Variants in UBR4 observed in about 807,000 individuals in gnomAD.
The protein encoded by UBR4 is E3 ubiquitin-protein ligase UBR4.
Under a neutral mutation model 575.6 loss-of-function variants are expected in UBR4, and 124 were observed. The observed-to-expected ratio is 0.22, with a 90% CI of 0.19 to 0.25. UBR4 has a LOEUF of 0.25. Among genes scored for constraint, UBR4 ranks in the 10% least tolerant of loss-of-function variants. UBR4 has a pLI of 1.00. For missense variants in UBR4, 4,818 were observed against 6,478.8 expected (o/e 0.74, Z 8.80); for synonymous variants, 2,455 against 2,473.7 (o/e 0.99, Z 0.22).
At chr1:19,090,186 CG>C (rs1214178139) in intron 97 of UBR4, among the ~76,000 whole-genome samples, 4 of 152,176 alleles carry the variant, frequency 2.6e-5, no homozygotes, top group Non-Finnish European at 4.4e-5. Flanking sequence ...TTCTCACGTT[CG>C]GTCACTCTCC....
chr1:19,192,712 G>A (rs1195222093), intron 9 of UBR4, among the ~76,000 whole-genome samples, 172 bp from the exon 10 acceptor site: 1 of 151,950 alleles, frequency 6.6e-6, no homozygotes, highest in East Asian at 1.9e-4. Context: ...CTTTTCATTT[G>A]GATCAAATGT....
In UBR4 at chr1:19,117,356, A is replaced by G. The variant is rs2080660877; in HGVS notation, c.10688T>C (p.Val3563Ala). 6.2e-7 allele frequency: 1 copy of G among 1,614,042 alleles called. No homozygotes were observed. Among genetic ancestry groups the G allele is most frequent in the African/African-American group, 1.3e-5 (1 of 74,918 alleles). Residue 3563 changes from valine to alanine, a missense_variant, in exon 73 of 106, where the codon GTG becomes GCG. Transcript: ENST00000375254. This position sits in a 1 kb window ranked among gnomAD's most constrained non-coding sequence, Gnocchi z 4.0. ...DTRYTTTQQVVKLIGSHTISK... is the reference protein window; with the variant it reads ...DTRYTTTQQVAKLIGSHTISK... ...GATGGTGTGACTGCCAATGAGCTTC[A>G]CAACCTGCTGGGTGGTGGTGTACCG...
Position 19,149,738 on chromosome 1 carries a change from G to A in UBR4, c.7430+839C>T, listed in dbSNP as rs1333950366. On this transcript the variant is annotated intron_variant, in intron 49 of 105. Coordinates refer to ENST00000375254, the MANE Select transcript of UBR4 (RefSeq NM_020765.3). Reference sequence around the variant, plus strand: ...TCTCTGACACACACTCACTCGTGCAGAGAAAAGAAAGAGGGCATACTAACC... The same window carrying A: ...TCTCTGACACACACTCACTCGTGCAAAGAAAAGAAAGAGGGCATACTAACC... The A allele has an allele frequency of 1.2e-5, 15 of 1,300,682 alleles. No homozygotes were observed. The East Asian group carries it at 7.2e-4, about 63-fold the overall frequency. 80.6% of individuals were successfully genotyped at this position (1,300,682 alleles called of 1,614,324 possible).
intron 91 of UBR4, 134 bp downstream of exon 91, chr1:19,097,059 T>C (rs959738402): frequency 4.6e-6 from 3 of 651,196 alleles, no homozygotes; most frequent in Non-Finnish European, 7.2e-6. Flanking sequence ...TTTTCCTCAA[T>C]TGAAGAAACA....
In UBR4 at chr1:19,173,290, T is replaced by A; in HGVS notation, c.3182A>T (p.Gln1061Leu). ...VNWIKDHLIKQGMKAEHASSL... is the reference protein window; with the variant it reads ...VNWIKDHLIKLGMKAEHASSL... ...GCTAGCATGCTCAGCCTTCATTCCC[T>A]GTTTGATAAGGTGATCCTATTTGGA... Residue 1061 changes from glutamine (Q) to leucine (L), a missense_variant, in exon 24 of 106, where the codon CAG (glutamine) becomes CTG (leucine). Gln to Leu is a moderately radical substitution (Grantham distance 113, BLOSUM62 -2). This residue lies in a region of UBR4 where 1,172 missense variants were observed against 1,259.7 expected (regional missense o/e 0.93). Coordinates refer to ENST00000375254, the MANE Select transcript of UBR4 (RefSeq NM_020765.3). 1 of 1,614,238 alleles carries A rather than the reference T, an allele frequency of 6.2e-7. No homozygotes were observed. The highest frequency in any genetic ancestry group is 8.5e-7 in the Non-Finnish European group (1 of 1,180,042).
rs1429822000 is a variant in UBR4 at position 19,165,240 on chromosome 1, G to A, written c.4312+9C>T. ...TCCCATAAGAAGATTACTAAAAGCT[G>A]TCACTCACTCAGCTGGAAGAGTTTG... On this transcript the variant is annotated intron_variant, in intron 31 of 105. Coordinates refer to ENST00000375254, the MANE Select transcript of UBR4 (RefSeq NM_020765.3). The A allele has an allele frequency of 2.5e-6, 4 of 1,610,692 alleles. No individual in the cohort carries two copies. Among genetic ancestry groups the A allele is most frequent in the Non-Finnish European group, 3.4e-6 (4 of 1,176,932 alleles).
At chr1:19,209,009 C>T (rs749462807) in intron 1 of UBR4, among the ~76,000 whole-genome samples, 7 of 152,230 alleles carry the variant, frequency 4.6e-5, no homozygotes, top group Non-Finnish European at 1.0e-4. Flanking sequence ...AGTTACCAAA[C>T]TCAACCATTA....
intron 78 of UBR4, chr1:19,112,262 C>T (rs2079980398): frequency 2.4e-6 from 1 of 417,966 alleles, no homozygotes; most frequent in East Asian, 4.0e-5. Context: ...CTCACAAGGC[C>T]TCAGGGAGAG....
In UBR4 at chr1:19,142,780, T is replaced by C. The variant is rs567825981; in HGVS notation, c.8180-1003A>G. On this transcript the variant is annotated intron_variant, in intron 55 of 105. Coordinates refer to ENST00000375254, the MANE Select transcript of UBR4 (RefSeq NM_020765.3). ...ATATTTGATATACTGGATTAAATAA[T>C]TAGTAAATCAATTTTACTTTTTACT... Among the ~76,000 whole-genome samples, 3 of 152,356 alleles carry C rather than the reference T, an allele frequency of 2.0e-5. No individual in the cohort carries two copies. In the East Asian group the frequency reaches 5.8e-4, roughly 29 times the overall value.
chr1:19,088,933 C>T lies in UBR4; in HGVS notation c.14256G>A (p.Glu4752=), dbSNP rs1463751465. 4 of 1,614,224 alleles carry T rather than the reference C, an allele frequency of 2.5e-6. No homozygotes were observed. Among genetic ancestry groups the T allele is most frequent in the South Asian group, 2.2e-5 (2 of 91,078 alleles). The stretch of plus-strand genomic sequence containing the variant: ...CAATGCCCTCATCACTGGACACCTG[C>T]TCCAGCTTATGCAGGTTCGGGATGG... ...TDSIPNLHKL[E]QVSSDEGIGT... The change falls in exon 98 of 106, where the codon GAG becomes GAA. Residue 4752 remains glutamate, a synonymous_variant. Coordinates refer to ENST00000375254, the MANE Select transcript of UBR4 (RefSeq NM_020765.3). The surrounding 1 kb of genome is among the most constrained non-coding windows in gnomAD (Gnocchi z 4.0).
Position 19,118,116 on chromosome 1 carries a change from G to A in UBR4, c.10542-206C>T, listed in dbSNP as rs914452666. 5.5e-6 allele frequency: 3 copies of A among 545,026 alleles called. No homozygotes were observed. In the African/African-American group the frequency reaches 5.7e-5, roughly 10 times the overall value. The allele number at this position is 545,026 out of a possible 1,614,324, so 33.8% of individuals were successfully genotyped here. The stretch of plus-strand genomic sequence containing the variant: ...AAGAAATTTCAACTAACTGACCTTA[G>A]ATGTTTCCTAATCTTTGATCTATCC... On this transcript the variant is annotated intron_variant, in intron 71 of 105. Transcript: ENST00000375254.
In UBR4 at chr1:19,157,137, A is replaced by G. The variant is rs2150406844; in HGVS notation, c.5761-212T>C. On this transcript the variant is annotated intron_variant, in intron 40 of 105. Transcript: ENST00000375254. This position sits in a 1 kb window ranked among gnomAD's most constrained non-coding sequence, Gnocchi z 4.4. ...TCCATGGAGGACAGAACAGGTAAGT[A>G]ATGAAAACAATTTCTCTTTATATAG... Among the ~76,000 whole-genome samples, 1 of 152,376 alleles carries G rather than the reference A, an allele frequency of 6.6e-6. No individual in the cohort carries two copies.
At chr1:19,132,807 A>G (rs2082702162) in intron 60 of UBR4, among the ~76,000 whole-genome samples, 1 of 152,034 alleles carries the variant, frequency 6.6e-6, no homozygotes, top group Non-Finnish European at 1.5e-5. Flanking sequence ...TTGTCAAGAC[A>G]TTAAAAAGAT....
At chr1:19,160,060 A>T in intron 39 of UBR4, 51 bp downstream of exon 39, 1 of 1,585,892 alleles carries the variant, frequency 6.3e-7, no homozygotes, top group Non-Finnish European at 8.6e-7. Context: ...GGATCTCAAT[A>T]AATTTGTTGG....
chr1:19,140,384 T>C (rs927481251), intron 58 of UBR4, among the ~76,000 whole-genome samples: 1 of 152,258 alleles, frequency 6.6e-6, no homozygotes, highest in African/African-American at 2.4e-5. Flanking sequence ...TAGCTTCTTA[T>C]AGCTCTCCTT....
intron 39 of UBR4, among the ~76,000 whole-genome samples, chr1:19,159,362 C>G (rs1487477569): frequency 6.6e-6 from 1 of 152,022 alleles, no homozygotes; most frequent in Non-Finnish European, 1.5e-5. Context: ...ACATGAAAAA[C>G]TAAAGGAAAG....
chr1:19,148,422 A>G, intron 50 of UBR4, 141 bp downstream of exon 50: 1 of 1,149,170 alleles, frequency 8.7e-7, no homozygotes, highest in Non-Finnish European at 1.3e-6. Context: ...CTTAAGCTGA[A>G]GACTTCTCTG....
intron 97 of UBR4, among the ~76,000 whole-genome samples, chr1:19,090,301 A>T (rs999184322): frequency 6.6e-6 from 1 of 152,210 alleles, no homozygotes; most frequent in Non-Finnish European, 1.5e-5. Flanking sequence ...AAGCCTGTCA[A>T]CTGTTCTTCC....
In UBR4 at chr1:19,160,255, C is replaced by G. The variant is rs1474409767; in HGVS notation, c.5433G>C (p.Val1811=). ...CCATAAGGAAATTAAGCATGTCTAA[C>G]ACGAGAGGAGCGAAGGAGAAATTGG... ...NQANFSFAPL[V]LDMLNFLMDA... The change falls in exon 39 of 106, where the codon GTG becomes GTC. Residue 1811 remains valine, a synonymous_variant. Coordinates refer to ENST00000375254, the MANE Select transcript of UBR4 (RefSeq NM_020765.3). 7 of 1,609,434 alleles carry G rather than the reference C, an allele frequency of 4.3e-6. No individual in the cohort carries two copies. In the Admixed American group the frequency reaches 1.2e-4, roughly 27 times the overall value.
Sources: gnomAD v4.1 joint callset for allele counts (sites outside exome capture counted in the v4.1 genomes callset) on GRCh38, gnomAD v4.1.1 for gene constraint, gnomAD v4.1.1 regional missense constraint, Gnocchi (gnomAD v3.1) non-coding constraint, MANE v1.5 for transcripts, NCBI Gene and HGNC (gene_info 2026-07-23, HGNC 2026-07-21) for gene names.